The following ANKS1A variants were observed in gnomAD, a reference collection of about 807,000 sequenced individuals.
The protein encoded by ANKS1A is ankyrin repeat and SAM domain-containing protein 1A.
ANKS1A carries 55 observed loss-of-function variants against 120.3 expected under a neutral mutation model. That is an observed-to-expected ratio of 0.46 (90% CI 0.37 to 0.57). The LOEUF (loss-of-function observed/expected upper bound fraction) is 0.57, where lower values mean the gene tolerates loss of function less well. ANKS1A is among the 20% of genes least tolerant of loss of function. The pLI is 0.00. For synonymous variants in ANKS1A, 590 were observed against 604.7 expected (o/e 0.98, Z 0.36); for missense variants, 1,123 against 1,480.3 (o/e 0.76, Z 3.96).
intron 13 of ANKS1A, among the ~76,000 whole-genome samples, chr6:35,077,097 C>T (rs979912523): frequency 1.3e-5 from 2 of 152,210 alleles, no homozygotes; most frequent in Non-Finnish European, 2.9e-5. Context: ...CAGGGAGACT[C>T]TTTCCCTGCT....
At chr6:35,027,751 T>C (rs540281982) in intron 11 of ANKS1A, among the ~76,000 whole-genome samples, 2 of 152,318 alleles carry the variant, frequency 1.3e-5, no homozygotes, top group Admixed American at 1.3e-4. Flanking sequence ...CATGGACGAC[T>C]ACCCTCCCTG....
intron 13 of ANKS1A, among the ~76,000 whole-genome samples, chr6:35,063,292 A>G (rs1389919011): frequency 6.6e-6 from 1 of 152,258 alleles, no homozygotes; most frequent in Admixed American, 6.5e-5. Flanking sequence ...TCCACAGGAA[A>G]TGGGCTTTCT....
chr6:35,054,189 C>T (rs774866221), intron 12 of ANKS1A, 24 bp downstream of exon 12: 4 of 1,611,406 alleles, frequency 2.5e-6, no homozygotes, highest in Non-Finnish European at 8.5e-7. Context: ...TGGCCATTTT[C>T]CCCACAGAAA....
At chr6:34,890,068 A>C (rs1428150681) in intron 1 of ANKS1A, among the ~76,000 whole-genome samples, 4 of 151,026 alleles carry the variant, frequency 2.6e-5, no homozygotes, top group Non-Finnish European at 5.9e-5. Context: ...GGAACCTTCC[A>C]CCAGGCTACA....
intron 1 of ANKS1A, among the ~76,000 whole-genome samples, chr6:34,947,905 T>C (rs937399510): frequency 6.6e-6 from 1 of 152,196 alleles, no homozygotes; most frequent in Non-Finnish European, 1.5e-5. Context: ...ATAGCAAATT[T>C]GGGAGGTTGA....
chr6:35,072,291 T>C (rs899634771), intron 13 of ANKS1A, among the ~76,000 whole-genome samples: 5 of 152,214 alleles, frequency 3.3e-5, no homozygotes, highest in African/African-American at 1.2e-4. Flanking sequence ...CTTGTCATGC[T>C]CCTTCCGTTC....
At chr6:35,095,402 A>C (rs576954018), downstream of ANKS1A, among the ~76,000 whole-genome samples, 1 of 151,828 alleles carries the variant, frequency 6.6e-6, no homozygotes, top group South Asian at 2.1e-4. Context: ...ATAAAAGCCC[A>C]AAAAATGAGC....
intron 1 of ANKS1A, among the ~76,000 whole-genome samples, chr6:34,946,942 CAGG>C (rs1769828333): frequency 6.6e-6 from 1 of 152,178 alleles, no homozygotes; most frequent in African/African-American, 2.4e-5. Flanking sequence ...ATTTAGCAGT[CAGG>C]CAGAAAGTGT....
chr6:34,905,019 C>T (rs1379462743), intron 1 of ANKS1A, among the ~76,000 whole-genome samples: 1 of 152,216 alleles, frequency 6.6e-6, no homozygotes. Context: ...CCATGTTGGC[C>T]AGGCTGGTCT....
At position 35,017,791 on chromosome 6, in the gene ANKS1A, C is replaced by G; in HGVS notation, c.1742C>G (p.Pro581Arg). ...CCCACCACCAACAGCCGCTCGCACC[C>G]TGAAACTTTGACTCACACAGCATCT... ...GLPTTNSRSHPETLTHTASPH... is the reference protein window; with the variant it reads ...GLPTTNSRSHRETLTHTASPH... The change falls in exon 11 of 24, where the codon CCT becomes CGT. Residue 581 changes from proline to arginine, a missense_variant. By Grantham distance (103) the Pro-to-Arg change is moderately radical (BLOSUM62 -2). This residue lies in a region of ANKS1A where 904 missense variants were observed against 1,130.4 expected (regional missense o/e 0.80). Coordinates refer to ENST00000360359, the MANE Select transcript of ANKS1A (RefSeq NM_015245.3). 6.2e-7 allele frequency: 1 copy of G among 1,614,216 alleles called. No individual in the cohort carries two copies. Among genetic ancestry groups the G allele is most frequent in the Non-Finnish European group, 8.5e-7 (1 of 1,180,040 alleles).
intron 10 of ANKS1A, among the ~76,000 whole-genome samples, chr6:35,016,886 T>C (rs1202154754): frequency 6.6e-6 from 1 of 151,602 alleles, no homozygotes; most frequent in South Asian, 2.1e-4. Flanking sequence ...CTCTGCCGTT[T>C]TGTTTCTGTT....
At chr6:34,948,066 G>A (rs1431820673) in intron 1 of ANKS1A, among the ~76,000 whole-genome samples, 1 of 151,718 alleles carries the variant, frequency 6.6e-6, no homozygotes, top group Admixed American at 6.6e-5. Context: ...AAGTTCTAGG[G>A]TACATGTGCA....
intron 3 of ANKS1A, among the ~76,000 whole-genome samples, chr6:34,977,740 G>A (rs1417868295): frequency 6.6e-6 from 1 of 151,950 alleles, no homozygotes; most frequent in Non-Finnish European, 1.5e-5. Context: ...TGCTTCTCCT[G>A]TGTCCTTTCA....
chr6:35,094,837 A>G (rs1185876635), downstream of ANKS1A, among the ~76,000 whole-genome samples: 2 of 151,662 alleles, frequency 1.3e-5, no homozygotes, highest in African/African-American at 4.8e-5. Context: ...AAGAGGGAAA[A>G]AGAGGCTAAG....
intron 10 of ANKS1A, among the ~76,000 whole-genome samples, chr6:35,016,362 A>G (rs574251042): frequency 1.3e-5 from 2 of 152,200 alleles, no homozygotes; most frequent in Non-Finnish European, 2.9e-5. Flanking sequence ...TATAGGTGCA[A>G]TAGATCCCAC....
rs1777731328 is a variant in ANKS1A, at chr6:35,082,378, C to A, written c.2710-313C>A. Reference sequence around the variant, plus strand: ...GAACAGCCTGGCAGCCTGTGCCCCCCACACAGACTCTGCCATCTCCTCTCT... The same window carrying A: ...GAACAGCCTGGCAGCCTGTGCCCCCAACACAGACTCTGCCATCTCCTCTCT... On this transcript the variant is annotated intron_variant, in intron 17 of 23. Coordinates refer to ENST00000360359, the MANE Select transcript of ANKS1A (RefSeq NM_015245.3). This position sits in a 1 kb window ranked among gnomAD's most constrained non-coding sequence, Gnocchi z 4.1. Among the ~76,000 whole-genome samples, 1 of 152,174 alleles carries A rather than the reference C, an allele frequency of 6.6e-6. No individual in the cohort carries two copies. Among genetic ancestry groups the A allele is most frequent in the Admixed American group, 6.5e-5 (1 of 15,280 alleles).
chr6:34,958,555 TC>T (rs756516567), intron 1 of ANKS1A, among the ~76,000 whole-genome samples: 7 of 152,250 alleles, frequency 4.6e-5, no homozygotes, highest in African/African-American at 9.6e-5. Context: ...AGTACCCGCC[TC>T]CCAGCTGTCA....
rs554805306 is a variant in ANKS1A at position 35,079,593 on chromosome 6, C to T, written c.2361C>T (p.Tyr787=). 6.2e-6 allele frequency: 10 copies of T among 1,614,188 alleles called. No individual in the cohort carries two copies. Among genetic ancestry groups the T allele is most frequent in the African/African-American group, 4.0e-5 (3 of 75,056 alleles). ...SWLDSLGLQD[Y]VHSFLSSGYS... ...TGGACTCCCTGGGGCTGCAGGACTA[C>T]GTCCATTCCTTCTTGTCAAGTGGTT... Residue 787 remains tyrosine (Y), a synonymous_variant, in exon 15 of 24, where the codon TAC becomes TAT. Transcript: ENST00000360359.
Position 35,081,309 on chromosome 6 carries a change from C to G in ANKS1A, c.2709+151C>G, listed in dbSNP as rs982714807. ...ACTAGCCTGCTCTGCTCGCCCACAC[C>G]CAGCCGCCTTGCGTAAGGCCCACCC... is the stretch of plus-strand genomic sequence containing the variant. On this transcript the variant is annotated intron_variant, in intron 17 of 23. Transcript: ENST00000360359. 1.2e-5 allele frequency: 14 copies of G among 1,124,666 alleles called. No individual in the cohort carries two copies. In the African/African-American group the frequency reaches 2.2e-4, roughly 18 times the overall value. The allele number at this position is 1,124,666 out of a possible 1,614,324, so 69.7% of individuals were successfully genotyped here.
Sources: gnomAD v4.1 joint callset for allele counts (sites outside exome capture counted in the v4.1 genomes callset) on GRCh38, gnomAD v4.1.1 for gene constraint, gnomAD v4.1.1 regional missense constraint, Gnocchi (gnomAD v3.1) non-coding constraint, MANE v1.5 for transcripts, NCBI Gene and HGNC (gene_info 2026-07-23, HGNC 2026-07-21) for gene names.